The following GLI2 variants were observed in gnomAD, a reference collection of about 807,000 sequenced individuals.
GLI2 encodes transcription activator GLI2.
GLI2 carries 22 observed loss-of-function variants against 78.9 expected under a neutral mutation model. That is an observed-to-expected ratio of 0.28 (90% CI 0.20 to 0.40). GLI2 has a LOEUF of 0.40. Ranked by LOEUF, GLI2 falls within the 10% of genes least tolerant of loss-of-function variation. GLI2 has a pLI of 1.00. For missense variants in GLI2, 2,097 were observed against 2,213.2 expected (o/e 0.95, Z 1.05); for synonymous variants, 974 against 963.7 (o/e 1.01, Z -0.20).
intron 2 of GLI2, among the ~76,000 whole-genome samples, chr2:120,824,989 T>A (rs1685973669): frequency 1.3e-5 from 2 of 152,150 alleles, no homozygotes; most frequent in African/African-American, 4.8e-5. Flanking sequence ...GTGCCTGCCA[T>A]CACACCTGGC....
chr2:120,949,833 T>C (rs1413304146), intron 3 of GLI2, among the ~76,000 whole-genome samples: 1 of 152,214 alleles, frequency 6.6e-6, no homozygotes, highest in Admixed American at 6.5e-5. Flanking sequence ...GTCACCTGTT[T>C]GGGTCCTGGT....
At chr2:120,764,394 C>T (rs1254507759) in intron 1 of GLI2, among the ~76,000 whole-genome samples, 1 of 152,158 alleles carries the variant, frequency 6.6e-6, no homozygotes, top group African/African-American at 2.4e-5. Context: ...ATTTGCTAAG[C>T]TAGGTACACT....
chr2:120,825,360 G>C (rs538043544), intron 2 of GLI2, among the ~76,000 whole-genome samples: 236 of 152,262 alleles, frequency 1.5e-3, no homozygotes, highest in South Asian at 7.7e-3. Context: ...GTGCTTGGCT[G>C]TGAGGAGTGT....
chr2:120,981,128 G>C (rs1293376148), intron 10 of GLI2, among the ~76,000 whole-genome samples: 3 of 152,182 alleles, frequency 2.0e-5, no homozygotes, highest in African/African-American at 7.2e-5. Context: ...TGATCCCCCT[G>C]CCTCAGCCTC....
At chr2:120,895,269 T>G (rs1359037971) in intron 2 of GLI2, among the ~76,000 whole-genome samples, 2 of 152,146 alleles carry the variant, frequency 1.3e-5, no homozygotes, top group Non-Finnish European at 2.9e-5. Flanking sequence ...AACTTGGCTG[T>G]AAGTATGGAG....
At chr2:120,959,277 G>A (rs1404612669) in intron 5 of GLI2, among the ~76,000 whole-genome samples, 1 of 152,204 alleles carries the variant, frequency 6.6e-6, no homozygotes, top group Admixed American at 6.5e-5. Context: ...TTCAGGACAT[G>A]GAGGTAACGG....
chr2:120,910,591 G>A (rs766556926), intron 2 of GLI2, among the ~76,000 whole-genome samples: 7 of 152,162 alleles, frequency 4.6e-5, no homozygotes, highest in Non-Finnish European at 7.4e-5. Flanking sequence ...CATCCTCGCC[G>A]CCCTAATTAC....
At chr2:120,829,428 C>G (rs1686249372) in intron 2 of GLI2, among the ~76,000 whole-genome samples, 1 of 152,184 alleles carries the variant, frequency 6.6e-6, no homozygotes, top group Non-Finnish European at 1.5e-5. Flanking sequence ...AGGAGTTGGA[C>G]AGTGCTAGGG....
rs1470017624 is a variant in GLI2 at position 120,800,497 on chromosome 2, T to TTTTAC, written c.148+3032_148+3033insACTTT. On this transcript the variant is annotated intron_variant, in intron 2 of 13. Transcript: ENST00000361492. This position sits in a 1 kb window ranked among gnomAD's most constrained non-coding sequence, Gnocchi z 4.1. ...ATTTATTATTATTATTATTATTTTA[T>TTTTAC]TTTTTATTTTTATTTATTTATTTTT... is the stretch of plus-strand genomic sequence containing the variant. 2.3e-5 allele frequency among the ~76,000 whole-genome samples: 3 copies of TTTTAC among 132,644 alleles called. No homozygotes were observed. Among genetic ancestry groups the TTTTAC allele is most frequent in the Non-Finnish European group, 3.3e-5 (2 of 60,406 alleles). The allele number at this position is 132,644 out of a possible 152,430, so 87.0% of individuals were successfully genotyped here.
intron 9 of GLI2, among the ~76,000 whole-genome samples, chr2:120,977,731 C>A (rs1014305496): frequency 6.6e-6 from 1 of 152,176 alleles, no homozygotes; most frequent in Non-Finnish European, 1.5e-5. Context: ...TTGCCTGGGG[C>A]CGTTTTCTCC....
rs1294021463 is a variant in GLI2 at position 120,967,413 on chromosome 2, G to A, written c.644-1301G>A. 2.6e-5 allele frequency among the ~76,000 whole-genome samples: 4 copies of A among 152,356 alleles called. No homozygotes were observed. The East Asian group carries it at 7.7e-4, about 29-fold the overall frequency. The stretch of plus-strand genomic sequence containing the variant: ...GGGCAGGAAGCTTGGCTTGTGGAGA[G>A]TCATCCAGCAGTGTTGTCAGACCAT... On this transcript the variant is annotated intron_variant, in intron 5 of 13. Coordinates refer to ENST00000361492, the MANE Select transcript of GLI2 (RefSeq NM_001374353.1).
In GLI2 at chr2:120,975,125, C is replaced by T. The variant is rs375921386; in HGVS notation, c.1317+16C>T. On this transcript the variant is annotated intron_variant, in intron 9 of 13. Transcript: ENST00000361492. ...GCTGGTGCATGTAAGCTTTTGAACC[C>T]CAGCAGCCCGCCAACCGGGGCACGG... 2.5e-6 allele frequency: 4 copies of T among 1,613,148 alleles called. No individual in the cohort carries two copies. The highest frequency in any genetic ancestry group is 3.4e-6 in the Non-Finnish European group (4 of 1,179,782).
At chr2:120,765,253 T>C (rs1480303813) in intron 1 of GLI2, among the ~76,000 whole-genome samples, 2 of 152,184 alleles carry the variant, frequency 1.3e-5, no homozygotes, top group East Asian at 1.9e-4. Context: ...CCCAGTCCAG[T>C]CCTAGCTGCC....
chr2:120,872,316 G>C (rs981389804), intron 2 of GLI2, among the ~76,000 whole-genome samples: 2 of 152,222 alleles, frequency 1.3e-5, no homozygotes, highest in Non-Finnish European at 2.9e-5. Context: ...CCGTGACAGA[G>C]AGTGGTGGCT....
At position 120,751,619 on chromosome 2, in the gene GLI2, A is replaced by G. The variant is rs946782522; in HGVS notation, c.-31+15334A>G. On this transcript the variant is annotated intron_variant, in intron 1 of 13. Coordinates refer to ENST00000361492, the MANE Select transcript of GLI2 (RefSeq NM_001374353.1). ...TATGAGAAAATTCTTGAAAAGAGGA[A>G]AAGAAGGCATTCTGGACTCCAGGCC... Among the ~76,000 whole-genome samples the G allele has an allele frequency of 3.9e-5, 6 of 152,330 alleles. No individual in the cohort carries two copies. The South Asian group carries it at 6.2e-4, about 16-fold the overall frequency.
intron 2 of GLI2, among the ~76,000 whole-genome samples, chr2:120,868,019 G>GT: frequency 6.6e-6 from 1 of 152,190 alleles, no homozygotes; most frequent in South Asian, 2.1e-4. Context: ...GTTCTTTCCT[G>GT]CCCCCCCAGC....
intron 2 of GLI2, among the ~76,000 whole-genome samples, chr2:120,856,077 G>A (rs1197114499): frequency 6.6e-6 from 1 of 152,184 alleles, no homozygotes; most frequent in Admixed American, 6.5e-5. Context: ...GGCTCAGGGA[G>A]GGAGGTGACT....
At chr2:120,954,987 A>G (rs1391854910) in intron 4 of GLI2, among the ~76,000 whole-genome samples, 1 of 151,968 alleles carries the variant, frequency 6.6e-6, no homozygotes, top group Non-Finnish European at 1.5e-5. Context: ...ATTGTTTATG[A>G]GTCTAATGAA....
At chr2:120,838,735 T>A (rs1260023879) in intron 2 of GLI2, among the ~76,000 whole-genome samples, 1 of 152,234 alleles carries the variant, frequency 6.6e-6, no homozygotes, top group East Asian at 1.9e-4. Context: ...TCCCATGTTT[T>A]TACTGTACCT....
Sources: gnomAD v4.1 joint callset for allele counts (sites outside exome capture counted in the v4.1 genomes callset) on GRCh38, gnomAD v4.1.1 for gene constraint, Gnocchi (gnomAD v3.1) non-coding constraint, MANE v1.5 for transcripts, NCBI Gene and HGNC (gene_info 2026-07-23, HGNC 2026-07-21) for gene names.